Variants in KCNB2 observed in about 807,000 individuals in gnomAD.
KCNB2 encodes the protein delayed rectifier potassium channel protein.
A neutral mutation model predicts 61.5 loss-of-function variants in KCNB2; 15 were observed. The ratio of observed to expected loss-of-function variants is 0.24; its 90% CI spans 0.16 to 0.38. KCNB2 has a LOEUF of 0.38. KCNB2 is among the 10% of genes least tolerant of loss of function. The pLI is 1.00. For synonymous variants in KCNB2, 457 were observed against 446.0 expected (o/e 1.02, Z -0.31); for missense variants, 828 against 1,125.2 (o/e 0.74, Z 3.78).
intron 2 of KCNB2, among the ~76,000 whole-genome samples, chr8:72,654,815 AG>A (rs1351134841): frequency 6.6e-6 from 1 of 152,184 alleles, no homozygotes; most frequent in Non-Finnish European, 1.5e-5. Context: ...ACTGCTGACG[AG>A]GTTACGGGGA....
chr8:72,595,236 G>A (rs915418586), intron 2 of KCNB2, among the ~76,000 whole-genome samples: 2 of 151,754 alleles, frequency 1.3e-5, no homozygotes, highest in Non-Finnish European at 2.9e-5. Flanking sequence ...CACTCATGAG[G>A]CCCTCAAGTG....
At chr8:72,894,227 C>T (rs975842541) in intron 2 of KCNB2, among the ~76,000 whole-genome samples, 8 of 151,982 alleles carry the variant, frequency 5.3e-5, no homozygotes, top group African/African-American at 1.9e-4. Flanking sequence ...AATACAAAGA[C>T]CGTAAAGGTG....
intron 2 of KCNB2, among the ~76,000 whole-genome samples, chr8:72,636,818 G>A (rs1390494124): frequency 6.6e-6 from 1 of 152,098 alleles, no homozygotes; most frequent in Non-Finnish European, 1.5e-5. Flanking sequence ...AAAGTCAGAA[G>A]CAAAGTAGTC....
chr8:72,687,679 T>C (rs183169480), intron 2 of KCNB2, among the ~76,000 whole-genome samples: 2 of 152,364 alleles, frequency 1.3e-5, no homozygotes, highest in Admixed American at 1.3e-4. Context: ...AACTAAAATT[T>C]TGTTTCTGTA....
chr8:72,553,793 T>C lies in KCNB2; in HGVS notation c.-93-13849T>C, dbSNP rs1338988350. Reference sequence around the variant, plus strand: ...AAGCTAAAGTAGAATATTATGGTAATCATTTTTGTCATTTTTTTAAATCTG... The same window carrying C: ...AAGCTAAAGTAGAATATTATGGTAACCATTTTTGTCATTTTTTTAAATCTG... On this transcript the variant is annotated intron_variant, in intron 1 of 2. Coordinates refer to ENST00000523207, the MANE Select transcript of KCNB2 (RefSeq NM_004770.3). 4.6e-5 allele frequency among the ~76,000 whole-genome samples: 7 copies of C among 152,166 alleles called. No individual in the cohort carries two copies. In the East Asian group the frequency reaches 1.3e-3, roughly 29 times the overall value.
At chr8:72,748,923 A>C (rs1297111056) in intron 2 of KCNB2, among the ~76,000 whole-genome samples, 1 of 152,102 alleles carries the variant, frequency 6.6e-6, no homozygotes, top group African/African-American at 2.4e-5. Context: ...AACCACAGTC[A>C]CCATATTATT....
intron 2 of KCNB2, among the ~76,000 whole-genome samples, chr8:72,827,016 C>A (rs1268902894): frequency 2.0e-5 from 3 of 152,206 alleles, no homozygotes; most frequent in Non-Finnish European, 4.4e-5. Context: ...TTGCTATTAT[C>A]GTCATCTTTT....
At chr8:72,678,076 C>A (rs1806691159) in intron 2 of KCNB2, among the ~76,000 whole-genome samples, 1 of 152,190 alleles carries the variant, frequency 6.6e-6, no homozygotes, top group Non-Finnish European at 1.5e-5. Context: ...TCTACTCTTC[C>A]TGTTGTGTGA....
chr8:72,764,952 G>A (rs1014186705), intron 2 of KCNB2, among the ~76,000 whole-genome samples: 1 of 152,158 alleles, frequency 6.6e-6, no homozygotes, highest in African/African-American at 2.4e-5. Context: ...CACAGAGTAC[G>A]AACTGGCTAT....
At chr8:72,758,039 CTGAAAGGAGAG>C (rs1808317912) in intron 2 of KCNB2, among the ~76,000 whole-genome samples, 1 of 152,168 alleles carries the variant, frequency 6.6e-6, no homozygotes. Flanking sequence ...ATTACCTGGC[CTGAAAGGAGAG>C]CACAGGAAGT....
chr8:72,744,674 A>T (rs888361241), intron 2 of KCNB2, among the ~76,000 whole-genome samples: 6 of 152,122 alleles, frequency 3.9e-5, no homozygotes, highest in Non-Finnish European at 8.8e-5. Context: ...TATTGGAGCT[A>T]AACTGTCCAT....
chr8:72,823,800 T>A (rs1277365157), intron 2 of KCNB2, among the ~76,000 whole-genome samples: 2 of 152,112 alleles, frequency 1.3e-5, no homozygotes, highest in African/African-American at 4.8e-5. Flanking sequence ...ACACAGGAAA[T>A]GCAAAGCAAG....
chr8:72,805,303 A>G (rs1483961458), intron 2 of KCNB2, among the ~76,000 whole-genome samples: 1 of 152,176 alleles, frequency 6.6e-6, no homozygotes, highest in Admixed American at 6.5e-5. Context: ...TCCTCCCTCT[A>G]CAGAAGTATA....
At chr8:72,665,428 C>G (rs1806451759) in intron 2 of KCNB2, among the ~76,000 whole-genome samples, 1 of 152,100 alleles carries the variant, frequency 6.6e-6, no homozygotes, top group Non-Finnish European at 1.5e-5. Flanking sequence ...TGTCACAGAC[C>G]TGCTGCTTGT....
chr8:72,769,816 A>G (rs1487628479), intron 2 of KCNB2, among the ~76,000 whole-genome samples: 1 of 152,180 alleles, frequency 6.6e-6, no homozygotes, highest in East Asian at 1.9e-4. Context: ...TGGCTTTGGC[A>G]AGAAGTGATC....
chr8:72,564,811 T>C (rs913219296), intron 1 of KCNB2, among the ~76,000 whole-genome samples: 1 of 152,072 alleles, frequency 6.6e-6, no homozygotes, highest in African/African-American at 2.4e-5. Context: ...ACAGAACATA[T>C]ATGTAAAGAG....
At chr8:72,884,977 G>A (rs945676346) in intron 2 of KCNB2, among the ~76,000 whole-genome samples, 10 of 152,092 alleles carry the variant, frequency 6.6e-5, no homozygotes, top group African/African-American at 2.4e-4. Context: ...AGATTAATAT[G>A]CAATTTTATT....
chr8:72,561,746 T>TATATAC (rs1491561524), intron 1 of KCNB2, among the ~76,000 whole-genome samples: 2 of 37,270 alleles, frequency 5.4e-5, no homozygotes, highest in South Asian at 6.3e-4. Flanking sequence ...TATATATATA[T>TATATAC]GTATATATAT....
Position 72,937,767 on chromosome 8 carries a change from C to T in KCNB2, c.2412C>T (p.Phe804=), listed in dbSNP as rs1806955938. 1.2e-6 allele frequency: 2 copies of T among 1,613,856 alleles called. No individual in the cohort carries two copies. Among genetic ancestry groups the T allele is most frequent in the African/African-American group, 1.3e-5 (1 of 74,876 alleles). The change falls in exon 3 of 3, where the codon TTC becomes TTT. Residue 804 remains phenylalanine (F), a synonymous_variant. Coordinates refer to ENST00000523207, the MANE Select transcript of KCNB2 (RefSeq NM_004770.3). ...FPFSSRERRS[F]TEIDTGDDED... ...TCTCTTCAAGAGAGAGGAGGAGCTT[C>T]ACTGAAATAGATACTGGTGACGACG...
Sources: allele counts gnomAD v4.1 joint callset (sites outside exome capture counted in the v4.1 genomes callset), GRCh38; gene constraint gnomAD v4.1.1; transcripts MANE v1.5; gene names NCBI Gene and HGNC (gene_info 2026-07-23, HGNC 2026-07-21).